PLSCR2: variants seen among roughly 807,000 people sequenced by gnomAD.
PLSCR2 encodes PL scramblase 2.
PLSCR2 carries 18 observed loss-of-function variants against 25.3 expected under a neutral mutation model. The ratio of observed to expected loss-of-function variants is 0.71; its 90% CI spans 0.49 to 1.06. The LOEUF (loss-of-function observed/expected upper bound fraction) is 1.06, where lower values mean the gene tolerates loss of function less well. Among genes scored for constraint, PLSCR2 ranks in the 50% least tolerant of loss-of-function variants. The pLI is 0.00. For synonymous variants in PLSCR2, 88 were observed against 87.3 expected (o/e 1.01, Z -0.04); for missense variants, 243 against 269.5 (o/e 0.90, Z 0.69).
chr3:146,418,411 A>T (rs955723551), intron 2 of PLSCR2, among the ~76,000 whole-genome samples: 1 of 152,198 alleles, frequency 6.6e-6, no homozygotes, highest in Non-Finnish European at 1.5e-5. Context: ...ATGATCCATT[A>T]TGGGTAAAAA....
At chr3:146,460,856 C>T (rs1433160436), upstream of PLSCR2, among the ~76,000 whole-genome samples, 1 of 152,180 alleles carries the variant, frequency 6.6e-6, no homozygotes, top group Non-Finnish European at 1.5e-5. Context: ...TAATCTACAG[C>T]GTGTTCCTCT....
intron 1 of PLSCR2, among the ~76,000 whole-genome samples, chr3:146,486,133 C>A (rs573616111): frequency 6.6e-6 from 1 of 152,120 alleles, no homozygotes; most frequent in Admixed American, 6.6e-5. Flanking sequence ...AACAAAGAGA[C>A]AATGTACCCA....
At chr3:146,462,114 A>T (rs1388232838), upstream of PLSCR2, among the ~76,000 whole-genome samples, 1 of 152,142 alleles carries the variant, frequency 6.6e-6, no homozygotes, top group African/African-American at 2.4e-5. Context: ...TTGTAGGTCC[A>T]ATACAACTGT....
At chr3:146,407,189 T>C (rs1424910070) in intron 2 of PLSCR2, among the ~76,000 whole-genome samples, 5 of 152,132 alleles carry the variant, frequency 3.3e-5, no homozygotes, top group African/African-American at 1.2e-4. Flanking sequence ...CTGGGGTCGA[T>C]TGGCACAATG....
At chr3:146,495,554 TAGACCCCAGAA>T (rs754884622) in intron 1 of PLSCR2, among the ~76,000 whole-genome samples, 180 of 152,108 alleles carry the variant, frequency 1.2e-3, no homozygotes, top group Non-Finnish European at 2.1e-3. Context: ...CTTATAGAAA[TAGACCCCAGAA>T]AGACCCCTCC....
chr3:146,441,977 T>A (rs4355250), intron 6 of PLSCR2, among the ~76,000 whole-genome samples, 156 bp from the exon 7 acceptor site: 89,512 of 151,838 alleles, frequency 0.59, 26,655 homozygotes, highest in South Asian at 0.76. Flanking sequence ...CAGGTATAAG[T>A]TCTCTACCTT....
chr3:146,484,629 T>G (rs949407148), intron 1 of PLSCR2, among the ~76,000 whole-genome samples: 1 of 152,086 alleles, frequency 6.6e-6, no homozygotes, highest in African/African-American at 2.4e-5. Flanking sequence ...GAGTGGTGGC[T>G]GATATTCAAC....
At chr3:146,410,365 C>A (rs1409032960) in intron 2 of PLSCR2, among the ~76,000 whole-genome samples, 1 of 152,186 alleles carries the variant, frequency 6.6e-6, no homozygotes, top group Non-Finnish European at 1.5e-5. Flanking sequence ...GCAAGGAAAT[C>A]TGCAGGGTGG....
At chr3:146,476,419 A>T (rs2042287381) in intron 1 of PLSCR2, among the ~76,000 whole-genome samples, 1 of 152,218 alleles carries the variant, frequency 6.6e-6, no homozygotes, top group South Asian at 2.1e-4. Context: ...TTGTGAGCCC[A>T]TGCTACCAGG....
chr3:146,477,452 C>G (rs488053), intron 1 of PLSCR2, among the ~76,000 whole-genome samples: 55,107 of 152,122 alleles, frequency 0.36, 10,471 homozygotes, highest in African/African-American at 0.49. Context: ...TGGCTCGGCA[C>G]GTCCCACACC....
At chr3:146,435,955 T>C (rs2039826819) in intron 8 of PLSCR2, among the ~76,000 whole-genome samples, 1 of 152,176 alleles carries the variant, frequency 6.6e-6, no homozygotes, top group Admixed American at 6.5e-5. Context: ...CTGTATAAGG[T>C]GTAAGGAAGG....
At chr3:146,463,790 C>G (rs1226592587), upstream of PLSCR2, 1 of 821,428 alleles carries the variant, frequency 1.2e-6, no homozygotes, top group African/African-American at 1.9e-5. Flanking sequence ...CCCTCCACAT[C>G]CTCAACTAAA....
intron 1 of PLSCR2, among the ~76,000 whole-genome samples, chr3:146,479,634 A>G: frequency 6.6e-6 from 1 of 152,130 alleles, no homozygotes; most frequent in Non-Finnish European, 1.5e-5. Flanking sequence ...CACAATAATA[A>G]TGGGAGACTT....
At chr3:146,469,806 A>G (rs1466811138) in intron 1 of PLSCR2, among the ~76,000 whole-genome samples, 1 of 127,246 alleles carries the variant, frequency 7.9e-6, no homozygotes, top group Non-Finnish European at 1.6e-5. Flanking sequence ...TGCGACGCGC[A>G]GCTGCCGCCC....
Position 146,455,226 on chromosome 3 carries a change from A to G in PLSCR2, c.321+13T>C, listed in dbSNP as rs757904335. On this transcript the variant is annotated intron_variant, in intron 4 of 6. Coordinates refer to ENST00000610787, the Ensembl canonical transcript of PLSCR2. Reference sequence around the variant, plus strand: ...AACTACTTTATGAAAAGCTCTAGTAATTGCTCACATACCTCCTGAAGGCAG... The same window carrying G: ...AACTACTTTATGAAAAGCTCTAGTAGTTGCTCACATACCTCCTGAAGGCAG... The G allele has an allele frequency of 1.9e-6, 3 of 1,565,860 alleles. No individual in the cohort carries two copies. The highest frequency in any genetic ancestry group is 1.7e-4 in the Middle Eastern group (1 of 5,962).
intron 2 of PLSCR2, among the ~76,000 whole-genome samples, chr3:146,428,086 A>G (rs2039417413): frequency 6.6e-6 from 1 of 152,202 alleles, no homozygotes; most frequent in East Asian, 1.9e-4. Flanking sequence ...GTGATTAGCA[A>G]CAATGGTGAG....
chr3:146,493,404 C>G (rs901756746), intron 1 of PLSCR2, among the ~76,000 whole-genome samples: 4 of 152,104 alleles, frequency 2.6e-5, no homozygotes, highest in Admixed American at 2.6e-4. Context: ...CAAACCAAAT[C>G]CAGTAGCACA....
At position 146,435,430 on chromosome 3, in the gene PLSCR2, T is replaced by A. The variant is rs1183145008; in HGVS notation, c.*35-1913A>T. ...CTATTTCTCTACATCCTCTCCAGCA[T>A]CTGTTGTTTCCTGACTTTTTAATGA... On this transcript the variant is annotated intron_variant, in intron 8 of 8. Coordinates refer to the PLSCR2 transcript ENST00000336685. Among the ~76,000 whole-genome samples, 5 of 152,264 alleles carry A rather than the reference T, an allele frequency of 3.3e-5. No homozygotes were observed. The East Asian group carries it at 9.7e-4, about 29-fold the overall frequency.
rs34815576 is a variant in PLSCR2 at position 146,485,113 on chromosome 3, GAA to G, written c.-293+10780_-293+10781del. 2.8e-3 allele frequency among the ~76,000 whole-genome samples: 376 copies of G among 134,236 alleles called. 6 individuals are homozygous for G. The East Asian group carries it at 0.051, about 18-fold the overall frequency. 88.1% of individuals were successfully genotyped at this position (134,236 alleles called of 152,430 possible). Reference sequence around the variant, plus strand: ...GGAAAATTCATCAAGCAACTGGAAAGAAAAAAAAAAAAAGCAGGGGTTGAGGG... The same window carrying G: ...GGAAAATTCATCAAGCAACTGGAAAGAAAAAAAAAAAGCAGGGGTTGAGGG... On this transcript the variant is annotated intron_variant, in intron 1 of 8. Coordinates refer to the PLSCR2 transcript ENST00000336685.
Sources: gnomAD v4.1 joint callset for allele counts (sites outside exome capture counted in the v4.1 genomes callset) on GRCh38, gnomAD v4.1.1 for gene constraint, MANE v1.5 for transcripts, NCBI Gene and HGNC (gene_info 2026-07-23, HGNC 2026-07-21) for gene names.